The following PCDHA2 variants were observed in gnomAD, a reference collection of about 807,000 sequenced individuals.
PCDHA2 encodes the protein protocadherin alpha 2, also known as protocadherin alpha-2.
A neutral mutation model predicts 66.0 loss-of-function variants in PCDHA2; 58 were observed. The observed-to-expected ratio is 0.88, with a 90% CI of 0.71 to 1.09. The LOEUF is 1.09. Among genes scored for constraint, PCDHA2 ranks in the 50% least tolerant of loss-of-function variants. The pLI, the probability that PCDHA2 is intolerant of heterozygous loss-of-function variation, is 0.00. For synonymous variants in PCDHA2, 634 were observed against 554.0 expected, an observed-to-expected ratio of 1.14 and a Z score of -2.03; for missense variants, 1,267 against 1,242.3, an observed-to-expected ratio of 1.02 and a Z score of -0.30.
At chr5:140,953,903 C>T (rs755692840) in intron 1 of PCDHA2, among the ~76,000 whole-genome samples, 1 of 152,120 alleles carries the variant, frequency 6.6e-6, no homozygotes, top group Non-Finnish European at 1.5e-5. Context: ...TTAAGCCCAG[C>T]ATCCATTAGG....
chr5:140,944,871 C>T (rs1370417254), intron 1 of PCDHA2, among the ~76,000 whole-genome samples: 1 of 152,110 alleles, frequency 6.6e-6, no homozygotes, highest in Non-Finnish European at 1.5e-5. Flanking sequence ...ATCTTAACCA[C>T]CTACTCCACT....
chr5:140,907,360 T>C (rs1241355980), intron 1 of PCDHA2, among the ~76,000 whole-genome samples: 1 of 152,186 alleles, frequency 6.6e-6, no homozygotes, highest in Admixed American at 6.5e-5. Flanking sequence ...TGCACTTCTT[T>C]AGTCGTAAAG....
At chr5:140,801,323 C>G (rs782468129) in intron 1 of PCDHA2, 1 of 1,613,308 alleles carries the variant, frequency 6.2e-7, no homozygotes, top group Non-Finnish European at 8.5e-7. Flanking sequence ...CCAAGCATGG[C>G]ACCTTCGTGG....
chr5:140,903,146 C>A (rs2070035349), intron 1 of PCDHA2, among the ~76,000 whole-genome samples: 1 of 152,178 alleles, frequency 6.6e-6, no homozygotes, highest in South Asian at 2.1e-4. Flanking sequence ...AAACTGTTTT[C>A]CATAGTGGTT....
chr5:140,911,134 C>T (rs2075341856), intron 1 of PCDHA2, among the ~76,000 whole-genome samples: 1 of 152,108 alleles, frequency 6.6e-6, no homozygotes. Context: ...TCAGGCAGTG[C>T]AGGGTTTTTC....
chr5:140,851,458 A>G lies in PCDHA2; in HGVS notation c.2388+54106A>G, dbSNP rs543530634. 8 of 902,168 alleles carry G rather than the reference A, an allele frequency of 8.9e-6. 1 individual carries two copies. The African/African-American group carries it at 1.4e-4, about 16-fold the overall frequency. 55.9% of individuals were successfully genotyped at this position (902,168 alleles called of 1,614,324 possible). ...ACAGTTGCTCCACTTTAGGAATCAA[A>G]TTATGTCAATAAATGTTATAAACAC... On this transcript the variant is annotated intron_variant, in intron 1 of 3. Coordinates refer to ENST00000526136, the MANE Select transcript of PCDHA2 (RefSeq NM_018905.3).
chr5:140,863,406 G>A (rs1228817689), intron 1 of PCDHA2: 1 of 800,564 alleles, frequency 1.2e-6, no homozygotes, highest in East Asian at 4.2e-5. Context: ...GCAAGCCCAC[G>A]CTGGTGTACC....
intron 1 of PCDHA2, chr5:140,871,314 G>A (rs199741530): frequency 6.2e-7 from 1 of 1,614,048 alleles, no homozygotes; most frequent in East Asian, 2.2e-5. Context: ...GGAAGCCCAC[G>A]CTGGTGTGCT....
intron 1 of PCDHA2, chr5:140,876,598 G>T: frequency 6.2e-7 from 1 of 1,614,168 alleles, no homozygotes; most frequent in Non-Finnish European, 8.5e-7. Flanking sequence ...TAGCGTGTCG[G>T]ATCGTGACTC....
At chr5:140,999,049 A>G (rs962383659) in intron 3 of PCDHA2, among the ~76,000 whole-genome samples, 2 of 152,332 alleles carry the variant, frequency 1.3e-5, no homozygotes, top group Non-Finnish European at 2.9e-5. Context: ...TGTGCTTTCC[A>G]CCATGCCTAA....
intron 1 of PCDHA2, chr5:140,870,171 C>T: frequency 6.2e-7 from 1 of 1,614,140 alleles, no homozygotes; most frequent in East Asian, 2.2e-5. Context: ...CCTTGTCCCT[C>T]CCAGTACGAG....
At chr5:140,880,688 A>T (rs1033069078) in intron 1 of PCDHA2, among the ~76,000 whole-genome samples, 2 of 152,224 alleles carry the variant, frequency 1.3e-5, no homozygotes, top group East Asian at 3.8e-4. Flanking sequence ...GAGAATAGTC[A>T]TGGTTAAGTG....
At chr5:140,849,149 C>T (rs1423345877) in intron 1 of PCDHA2, 1 of 1,253,130 alleles carries the variant, frequency 8.0e-7, no homozygotes, top group African/African-American at 1.8e-5. Context: ...CCGATGGAGG[C>T]AAACCCGAGC....
At position 140,845,330 on chromosome 5, in the gene PCDHA2, G is replaced by C. The variant is rs2150378470; in HGVS notation, c.2388+47978G>C. ...GTTCTCAGGTATTACTTTAATTACTGAATTCTCCTAAACATTTAATTGACT... is the reference window on the plus strand; with the variant it reads ...GTTCTCAGGTATTACTTTAATTACTCAATTCTCCTAAACATTTAATTGACT... On this transcript the variant is annotated intron_variant, in intron 1 of 3. Coordinates refer to ENST00000526136, the MANE Select transcript of PCDHA2 (RefSeq NM_018905.3). Among the ~76,000 whole-genome samples the C allele has an allele frequency of 1.2e-4, 18 of 149,276 alleles. 2 individuals carry two copies. Among genetic ancestry groups the C allele is most frequent in the Non-Finnish European group, 2.2e-4 (15 of 66,728 alleles).
In PCDHA2 at chr5:140,858,048, C is replaced by G. The variant is rs1203574330; in HGVS notation, c.2388+60696C>G. 9.4e-6 allele frequency: 15 copies of G among 1,597,302 alleles called. 2 individuals carry two copies. Among genetic ancestry groups the G allele is most frequent in the Non-Finnish European group, 1.2e-5 (14 of 1,167,436 alleles). On this transcript the variant is annotated intron_variant, in intron 1 of 3. Transcript: ENST00000526136. ...ACGGCCACGGCCACTGTGCTTGTGT[C>G]GCTTGTGGAGGGCAGCCAGGCACCC...
chr5:140,842,399 C>G, intron 1 of PCDHA2: 1 of 1,611,446 alleles, frequency 6.2e-7, no homozygotes, highest in Non-Finnish European at 8.5e-7. Flanking sequence ...CTTGCCTGTA[C>G]GTGAAGACGC....
At chr5:140,835,811 T>C (rs2150245385) in intron 1 of PCDHA2, 22 of 1,612,912 alleles carry the variant, frequency 1.4e-5, no homozygotes, top group African/African-American at 1.1e-4. Flanking sequence ...ACATCTTCAC[T>C]GTGTCGGCGG....
At chr5:140,972,660 A>ATTTTTTTTTTTTTTTTTTTTTTTTTT (rs11350929) in intron 1 of PCDHA2, among the ~76,000 whole-genome samples, 1 of 117,268 alleles carries the variant, frequency 8.5e-6, no homozygotes, top group Non-Finnish European at 1.7e-5. Context: ...AAGAAACCAA[A>ATTTTTTTTTTTTTTTTTTTTTTTTTT]TTTTTTTTTT....
intron 1 of PCDHA2, among the ~76,000 whole-genome samples, chr5:140,932,481 C>T (rs945796094): frequency 6.6e-6 from 1 of 151,842 alleles, no homozygotes; most frequent in African/African-American, 2.4e-5. Flanking sequence ...AGGATATCTC[C>T]TCTTTGCAAT....
Sources: gnomAD v4.1 joint callset for allele counts (sites outside exome capture counted in the v4.1 genomes callset) on GRCh38, gnomAD v4.1.1 for gene constraint, MANE v1.5 for transcripts, NCBI Gene and HGNC (gene_info 2026-07-23, HGNC 2026-07-21) for gene names.